Variants in SKAP2 observed in about 807,000 individuals in gnomAD.
SKAP2 encodes src kinase-associated phosphoprotein 2.
In SKAP2, 28 loss-of-function variants were observed where a neutral mutation model predicts 54.9. That is an observed-to-expected ratio of 0.51 (90% CI 0.38 to 0.70). The LOEUF (loss-of-function observed/expected upper bound fraction) is 0.70. Among genes scored for constraint, SKAP2 ranks in the 30% least tolerant of loss-of-function variants. SKAP2 has a pLI of 0.00. For synonymous variants in SKAP2, 137 were observed against 134.3 expected, an observed-to-expected ratio of 1.02 and a Z score of -0.14; for missense variants, 356 against 424.1, an observed-to-expected ratio of 0.84 and a Z score of 1.41.
intron 1 of SKAP2, 188 bp from the exon 2 acceptor site, chr7:26,855,078 C>T (rs1785131853): frequency 2.6e-6 from 1 of 390,130 alleles, no homozygotes; most frequent in African/African-American, 2.1e-5. Context: ...ATCTGATCAC[C>T]ACTTAGCTAA....
chr7:26,864,265 G>T (rs1195377876), intron 1 of SKAP2, 98 bp downstream of exon 1: 1 of 1,438,326 alleles, frequency 7.0e-7, no homozygotes, highest in African/African-American at 1.4e-5. Flanking sequence ...GGAAGCGCGG[G>T]GAGGGAGGAT....
chr7:26,835,467 CCTT>C (rs1436384541), intron 4 of SKAP2, among the ~76,000 whole-genome samples: 1 of 152,154 alleles, frequency 6.6e-6, no homozygotes. Context: ...CCCAAAATCT[CCTT>C]AAGCTGATAA....
At chr7:26,807,657 T>C (rs980303409) in intron 4 of SKAP2, among the ~76,000 whole-genome samples, 2 of 152,212 alleles carry the variant, frequency 1.3e-5, no homozygotes, top group Non-Finnish European at 2.9e-5. Context: ...GGTAAAATGC[T>C]AGCAAATGTC....
intron 9 of SKAP2, among the ~76,000 whole-genome samples, chr7:26,691,231 G>A (rs186124675): frequency 1.3e-5 from 2 of 152,026 alleles, no homozygotes; most frequent in Admixed American, 6.6e-5. Context: ...CCCAAATTAT[G>A]CAAAGAAATA....
At chr7:26,702,480 T>C (rs529743061) in intron 9 of SKAP2, among the ~76,000 whole-genome samples, 103 of 152,270 alleles carry the variant, frequency 6.8e-4, no homozygotes, top group African/African-American at 2.5e-3. Flanking sequence ...AAAGATATGA[T>C]GATAATGATT....
chr7:26,780,678 T>TA (rs1406200431), intron 4 of SKAP2, among the ~76,000 whole-genome samples: 2 of 152,150 alleles, frequency 1.3e-5, no homozygotes, highest in African/African-American at 2.4e-5. Context: ...GGTGGTAAGC[T>TA]AGTTTGCCCA....
At chr7:26,713,528 G>T (rs1787354881) in intron 9 of SKAP2, among the ~76,000 whole-genome samples, 1 of 151,464 alleles carries the variant, frequency 6.6e-6, no homozygotes, top group Non-Finnish European at 1.5e-5. Flanking sequence ...AAAATAATTT[G>T]AAACAATCAG....
At chr7:26,684,916 C>A in intron 10 of SKAP2, 68 bp from the exon 11 acceptor site, 1 of 900,870 alleles carries the variant, frequency 1.1e-6, no homozygotes, top group Admixed American at 2.1e-5. Context: ...CAAAATTAAC[C>A]AGTAGAAATT....
intron 6 of SKAP2, among the ~76,000 whole-genome samples, chr7:26,727,922 G>A (rs568735859): frequency 2.0e-5 from 3 of 152,142 alleles, no homozygotes; most frequent in South Asian, 2.1e-4. Context: ...TACTGAGCTC[G>A]GGGCAAATAC....
intron 4 of SKAP2, among the ~76,000 whole-genome samples, chr7:26,777,083 T>C (rs941290283): frequency 6.6e-6 from 1 of 152,138 alleles, no homozygotes; most frequent in Non-Finnish European, 1.5e-5. Flanking sequence ...AATCATTAAT[T>C]GGTTTAATAT....
chr7:26,778,719 T>C (rs1196410241), intron 4 of SKAP2, among the ~76,000 whole-genome samples: 1 of 151,770 alleles, frequency 6.6e-6, no homozygotes, highest in Non-Finnish European at 1.5e-5. Context: ...ATGTTTCTTC[T>C]GTGTCTAAAA....
intron 4 of SKAP2, among the ~76,000 whole-genome samples, chr7:26,775,022 T>C (rs879302389): frequency 5.3e-5 from 8 of 152,218 alleles, no homozygotes; most frequent in African/African-American, 1.2e-4. Context: ...GTCACAGCCA[T>C]TGATTACAAA....
chr7:26,716,847 C>A (rs1252840425), intron 9 of SKAP2, among the ~76,000 whole-genome samples: 2 of 152,178 alleles, frequency 1.3e-5, no homozygotes, highest in African/African-American at 2.4e-5. Context: ...TTCACTACCC[C>A]CCATCTCCAT....
intron 4 of SKAP2, among the ~76,000 whole-genome samples, chr7:26,808,427 C>T (rs775923918): frequency 1.3e-5 from 2 of 151,980 alleles, no homozygotes; most frequent in South Asian, 2.1e-4. Flanking sequence ...AATTCAGAGA[C>T]TAAAAATAGA....
intron 10 of SKAP2, among the ~76,000 whole-genome samples, chr7:26,685,786 A>G (rs903494025): frequency 6.6e-6 from 1 of 152,226 alleles, no homozygotes; most frequent in Non-Finnish European, 1.5e-5. Context: ...TGTTACACTA[A>G]GAACTGTTTC....
intron 6 of SKAP2, among the ~76,000 whole-genome samples, chr7:26,731,180 G>A (rs920371700): frequency 2.6e-5 from 4 of 152,048 alleles, no homozygotes; most frequent in East Asian, 1.9e-4. Flanking sequence ...CAACTTGGAC[G>A]CCTGTTAACA....
intron 3 of SKAP2, among the ~76,000 whole-genome samples, chr7:26,850,561 G>C (rs1785018454): frequency 6.6e-6 from 1 of 150,914 alleles, no homozygotes; most frequent in Non-Finnish European, 1.5e-5. Context: ...ACTCCAGCCT[G>C]GATGACAGAG....
In SKAP2 at chr7:26,669,545, C is replaced by A. The variant is rs543232775; in HGVS notation, c.*121G>T. The A allele has an allele frequency of 5.3e-5, 8 of 152,116 alleles. No homozygotes were observed. The highest frequency in any genetic ancestry group is 1.4e-4 in the African/African-American group (6 of 41,514). 9.4% of individuals were successfully genotyped at this position (152,116 alleles called of 1,614,324 possible). A position where few individuals can be genotyped will look rare whatever the true frequency, so the allele number is the denominator to read the frequency against. ...ATGAGCGACTGCATAAAATAACAGT[C>A]AAAGATAAGTAATGTTTAATAAAAC... On this transcript the variant is annotated 3_prime_UTR_variant, in exon 13 of 13. Transcript: ENST00000345317.
At chr7:26,760,051 G>A (rs1181636680) in intron 4 of SKAP2, among the ~76,000 whole-genome samples, 3 of 152,196 alleles carry the variant, frequency 2.0e-5, no homozygotes, top group East Asian at 1.9e-4. Context: ...ATATGTTAAA[G>A]ATATAAAATA....
Sources: allele counts gnomAD v4.1 joint callset (sites outside exome capture counted in the v4.1 genomes callset), GRCh38; gene constraint gnomAD v4.1.1; transcripts MANE v1.5; gene names NCBI Gene and HGNC (gene_info 2026-07-23, HGNC 2026-07-21).